Variants in SYCP2 observed in about 807,000 individuals in gnomAD.
The protein encoded by SYCP2 is synaptonemal complex lateral element protein.
SYCP2 carries 55 observed loss-of-function variants against 211.3 expected under a neutral mutation model. The observed-to-expected ratio is 0.26, with a 90% confidence interval of 0.21 to 0.33. The LOEUF is 0.33. Ranked by LOEUF, SYCP2 falls within the 10% of genes least tolerant of loss-of-function variation. The pLI is 1.00. For missense variants in SYCP2, 1,731 were observed against 1,752.0 expected (o/e 0.99, Z 0.21); for synonymous variants, 570 against 555.2 (o/e 1.03, Z -0.37).
chr20:59,915,255 C>G, intron 9 of SYCP2, 56 bp from the exon 10 acceptor site: 1 of 1,317,226 alleles, frequency 7.6e-7, no homozygotes, highest in Non-Finnish European at 1.1e-6. Context: ...AATAGGAAGT[C>G]CACATGTTTA....
chr20:59,898,988 A>T (rs2060065117), intron 18 of SYCP2, among the ~76,000 whole-genome samples: 1 of 152,202 alleles, frequency 6.6e-6, no homozygotes, highest in African/African-American at 2.4e-5. Context: ...AAATTTATTC[A>T]GTCAGTGGGA....
In SYCP2 at chr20:59,864,370, T is replaced by G. The variant is rs1253145851; in HGVS notation, c.4534A>C (p.Asn1512His). The G allele has an allele frequency of 6.2e-7, 1 of 1,603,704 alleles. No individual in the cohort carries two copies. The highest frequency in any genetic ancestry group is 1.1e-5 in the South Asian group (1 of 89,230). Residue 1512 changes from asparagine to histidine, a missense_variant, in exon 45 of 45, where the codon AAT becomes CAT. By Grantham distance (68) the Asn-to-His change is moderately conservative. This residue lies in a region of SYCP2 where 1,387 missense variants were observed against 1,351.3 expected (regional missense o/e 1.03). Coordinates refer to ENST00000357552, the MANE Select transcript of SYCP2 (RefSeq NM_014258.4). ...LKDMLEEELL[N>H]VRRELMSVFM... The stretch of plus-strand genomic sequence containing the variant: ...ACTGACATCAGTTCTCTGCGTACAT[T>G]AAGAAGCTCCTCTTCTAGCTATAGC...
At chr20:59,904,350 G>A (rs776349638) in intron 15 of SYCP2, among the ~76,000 whole-genome samples, 1 of 152,090 alleles carries the variant, frequency 6.6e-6, no homozygotes, top group Non-Finnish European at 1.5e-5. Flanking sequence ...CTAAGAGGCA[G>A]AACTGTATCT....
chr20:59,868,998 A>C (rs1600804778), intron 36 of SYCP2, 73 bp from the exon 37 acceptor site: 2 of 1,020,392 alleles, frequency 2.0e-6, no homozygotes, highest in East Asian at 5.2e-5. Flanking sequence ...ACCTTTCTCA[A>C]ACCCAAAAAC....
chr20:59,876,473 A>ATAAGATTGC (rs1032536480), intron 33 of SYCP2, among the ~76,000 whole-genome samples: 4 of 147,800 alleles, frequency 2.7e-5, no homozygotes, highest in African/African-American at 9.8e-5. Flanking sequence ...TGGGTAAGAG[A>ATAAGATTGC]TAAGATTGCA....
intron 2 of SYCP2, among the ~76,000 whole-genome samples, chr20:59,926,617 C>T (rs936368486): frequency 1.4e-4 from 21 of 152,064 alleles, no homozygotes; most frequent in Admixed American, 1.4e-3. Context: ...AGGTCACATT[C>T]TGAGATACTG....
intron 2 of SYCP2, among the ~76,000 whole-genome samples, chr20:59,931,773 G>A (rs1453316277): frequency 6.6e-6 from 1 of 151,978 alleles, no homozygotes; most frequent in Non-Finnish European, 1.5e-5. Flanking sequence ...ACCAAGGAAA[G>A]CAAACTGAAT....
At chr20:59,900,969 CT>C (rs1282529327) in intron 16 of SYCP2, 151 bp from the exon 17 acceptor site, 3 of 624,204 alleles carry the variant, frequency 4.8e-6, no homozygotes, top group Non-Finnish European at 8.5e-6. Context: ...ATATGAATAC[CT>C]TCTCAGAACA....
At chr20:59,927,752 G>A (rs1013122601) in intron 2 of SYCP2, among the ~76,000 whole-genome samples, 1 of 152,086 alleles carries the variant, frequency 6.6e-6, no homozygotes, top group Non-Finnish European at 1.5e-5. Flanking sequence ...CATCACCACT[G>A]AGGAGCTGGA....
chr20:59,874,242 A>T (rs1198699769), intron 34 of SYCP2, among the ~76,000 whole-genome samples, 181 bp from the exon 35 acceptor site: 1 of 152,100 alleles, frequency 6.6e-6, no homozygotes, highest in East Asian at 1.9e-4. Context: ...TGTAAGACTG[A>T]AAAACAAAAT....
rs746816097 is a variant in SYCP2, at chr20:59,895,589, G to A, written c.1513C>T (p.Pro505Ser). 6.2e-7 allele frequency: 1 copy of A among 1,612,912 alleles called. No homozygotes were observed. The highest frequency in any genetic ancestry group is 1.7e-5 in the Admixed American group (1 of 59,930). The change falls in exon 20 of 45, where the codon CCA (proline) becomes TCA (serine). Residue 505 changes from proline (P) to serine (S), a missense_variant. Around this residue, in one of 3 missense-constraint regions of SYCP2, gnomAD observed 1,387 missense variants for 1,351.3 expected, o/e 1.03. Transcript: ENST00000357552. ...GGTGGTTTAATTCTTCTTCTTCGTGGTGGTATTGCTAAAAAGGAGGACAAG... is the reference window on the plus strand; with the variant it reads ...GGTGGTTTAATTCTTCTTCTTCGTGATGGTATTGCTAAAAAGGAGGACAAG... ...PVLFSNTSIP[P>S]RRRRIKPPLQ... is the part of the protein sequence containing the mutation.
At chr20:59,913,049 A>G (rs2060361896) in intron 12 of SYCP2, among the ~76,000 whole-genome samples, 2 of 152,336 alleles carry the variant, frequency 1.3e-5, no homozygotes, top group Admixed American at 1.3e-4. Flanking sequence ...ACAGACTAAT[A>G]CAGTGTGCTA....
intron 15 of SYCP2, among the ~76,000 whole-genome samples, chr20:59,903,253 A>G (rs1319599472): frequency 6.6e-6 from 1 of 152,148 alleles, no homozygotes; most frequent in Non-Finnish European, 1.5e-5. Flanking sequence ...AGTGTTACTG[A>G]GATACAAGAA....
At chr20:59,897,086 C>G (rs1277844051) in intron 18 of SYCP2, among the ~76,000 whole-genome samples, 4 of 152,038 alleles carry the variant, frequency 2.6e-5, no homozygotes, top group Admixed American at 6.6e-5. Flanking sequence ...TCATCTCACA[C>G]TAATTTATAA....
chr20:59,907,582 A>G (rs1440259278), intron 14 of SYCP2, among the ~76,000 whole-genome samples, 158 bp from the exon 15 acceptor site: 1 of 152,214 alleles, frequency 6.6e-6, no homozygotes, highest in African/African-American at 2.4e-5. Context: ...AATTAACTAC[A>G]TATTACACAT....
rs150759880 is a variant in SYCP2, at chr20:59,901,672, G to A, written c.1172C>T (p.Thr391Ile). ...TNVTQKIFGA[T>I]KHRESIRKQG... ...AGTTTAAAGACTTACCCTATGTTTA[G>A]TTGCACCAAAAATTTTTTGAGTTAC... Residue 391 changes from threonine to isoleucine, a missense_variant, in exon 16 of 45, where the codon ACT becomes ATT. By Grantham distance (89) the Thr-to-Ile change is moderately conservative. Transcript: ENST00000357552. 1 of 1,561,820 alleles carries A rather than the reference G, an allele frequency of 6.4e-7. No individual in the cohort carries two copies. Among genetic ancestry groups the A allele is most frequent in the Non-Finnish European group, 8.7e-7 (1 of 1,147,006 alleles).
chr20:59,905,110 GA>G (rs1011044144), intron 15 of SYCP2, among the ~76,000 whole-genome samples: 1 of 152,152 alleles, frequency 6.6e-6, no homozygotes, highest in African/African-American at 2.4e-5. Context: ...CTGACCATAA[GA>G]AGTGTTAGAA....
chr20:59,892,808 A>G (rs1195068584), intron 22 of SYCP2, 107 bp from the exon 23 acceptor site: 1 of 1,003,670 alleles, frequency 1.0e-6, no homozygotes, highest in East Asian at 2.7e-5. Flanking sequence ...ACTTATGTGA[A>G]AATTATGTGG....
intron 14 of SYCP2, 24 bp downstream of exon 14, chr20:59,911,726 T>C (rs1423903058): frequency 7.9e-7 from 1 of 1,265,528 alleles, no homozygotes. Context: ...ACATAAAGAA[T>C]AATACCAACC....
Sources: allele counts gnomAD v4.1 joint callset (sites outside exome capture counted in the v4.1 genomes callset), GRCh38; gene constraint gnomAD v4.1.1; regional missense constraint gnomAD v4.1.1; transcripts MANE v1.5; gene names NCBI Gene and HGNC (gene_info 2026-07-23, HGNC 2026-07-21).